The following STIM1 variants were observed in gnomAD, a reference collection of about 807,000 sequenced individuals.
The protein encoded by STIM1 is stromal interaction molecule 1.
A neutral mutation model predicts 74.7 loss-of-function variants in STIM1; 25 were observed. The ratio of observed to expected loss-of-function variants is 0.33; its 90% CI spans 0.24 to 0.47. The LOEUF is 0.47. Ranked by LOEUF, STIM1 falls within the 20% of genes least tolerant of loss-of-function variation. The pLI, the probability that STIM1 is intolerant of heterozygous loss-of-function variation, is 1.00. For synonymous variants in STIM1, 328 were observed against 348.8 expected (o/e 0.94, Z 0.66); for missense variants, 728 against 920.8 (o/e 0.79, Z 2.71).
At chr11:3,931,136 G>A (rs1268291534) in intron 1 of STIM1, among the ~76,000 whole-genome samples, 2 of 152,192 alleles carry the variant, frequency 1.3e-5, no homozygotes, top group African/African-American at 4.8e-5. Context: ...ATATTGTTTA[G>A]GGTGTTAGGA....
chr11:3,895,697 T>C (rs56348484), intron 1 of STIM1, among the ~76,000 whole-genome samples: 492 of 32,120 alleles, frequency 0.015, 30 homozygotes, highest in Admixed American at 0.022. Context: ...TTTCTTTCTT[T>C]CTTTCTTTCT....
intron 1 of STIM1, among the ~76,000 whole-genome samples, chr11:3,867,736 C>T (rs539898029): frequency 2.6e-5 from 4 of 152,192 alleles, no homozygotes; most frequent in African/African-American, 4.8e-5. Flanking sequence ...GCTGTCAGCA[C>T]GGCCCAGTAA....
chr11:3,915,843 G>T (rs1222475431), intron 1 of STIM1, among the ~76,000 whole-genome samples: 1 of 152,102 alleles, frequency 6.6e-6, no homozygotes, highest in East Asian at 1.9e-4. Context: ...ATCACTTCAG[G>T]TCAGGAGTTT....
At chr11:4,050,663 C>A (rs1470951351) in intron 3 of STIM1, among the ~76,000 whole-genome samples, 1 of 152,286 alleles carries the variant, frequency 6.6e-6, no homozygotes, top group African/African-American at 2.4e-5. Context: ...TGAGCCTTAA[C>A]AACACAGGGG....
At chr11:3,869,855 A>G (rs2091013074) in intron 1 of STIM1, among the ~76,000 whole-genome samples, 1 of 152,226 alleles carries the variant, frequency 6.6e-6, no homozygotes, top group South Asian at 2.1e-4. Flanking sequence ...AGAAGACATC[A>G]GGGTCTGCAT....
intron 2 of STIM1, among the ~76,000 whole-genome samples, chr11:4,014,021 T>C (rs888966708): frequency 6.6e-6 from 1 of 152,120 alleles, no homozygotes; most frequent in Non-Finnish European, 1.5e-5. Context: ...CATTGATTTT[T>C]TGAAGGGTTT....
intron 1 of STIM1, among the ~76,000 whole-genome samples, chr11:3,905,409 C>T (rs539160239): frequency 1.3e-5 from 2 of 150,382 alleles, no homozygotes; most frequent in Non-Finnish European, 3.0e-5. Flanking sequence ...GGAGTGGAGA[C>T]CTGAGCTGGT....
chr11:3,936,018 T>C (rs2092927252), intron 1 of STIM1, among the ~76,000 whole-genome samples: 2 of 152,232 alleles, frequency 1.3e-5, no homozygotes, highest in East Asian at 1.9e-4. Flanking sequence ...TATTGAGATA[T>C]AATTTACATA....
chr11:3,938,410 C>T (rs2092962852), intron 1 of STIM1, among the ~76,000 whole-genome samples: 1 of 152,120 alleles, frequency 6.6e-6, no homozygotes, highest in Non-Finnish European at 1.5e-5. Flanking sequence ...CCTGTTGTAT[C>T]CTTTTCCCCA....
chr11:4,082,551 C>A (rs1009002310), intron 8 of STIM1, among the ~76,000 whole-genome samples, 200 bp downstream of exon 8: 1 of 152,126 alleles, frequency 6.6e-6, no homozygotes, highest in Admixed American at 6.6e-5. Context: ...GGTGTAGGGG[C>A]ATTCCTGCCT....
At position 4,092,033 on chromosome 11, in the gene STIM1, T is replaced by C; in HGVS notation, c.*235T>C. ...CCGTCCCAACCATGGGCTGCTGCTG[T>C]CACTCCCTCTCCACTTCAGTGCATG... On this transcript the variant is annotated 3_prime_UTR_variant, in exon 13 of 13. Coordinates refer to ENST00000526596, the MANE Select transcript of STIM1 (RefSeq NM_001382567.1). The C allele has an allele frequency of 1.7e-6, 1 of 598,636 alleles. No individual in the cohort carries two copies. The highest frequency in any genetic ancestry group is 3.0e-6 in the Non-Finnish European group (1 of 336,732). The allele number at this position is 598,636 out of a possible 1,614,324, so 37.1% of individuals were successfully genotyped here.
At chr11:4,073,321 CTT>C (rs1203816044) in intron 6 of STIM1, among the ~76,000 whole-genome samples, 1 of 152,278 alleles carries the variant, frequency 6.6e-6, no homozygotes, top group East Asian at 1.9e-4. Flanking sequence ...AACTCTCAGT[CTT>C]TGTTCTGGGT....
chr11:3,855,052 A>G (rs2090311170), upstream of STIM1: 1 of 152,230 alleles, frequency 6.6e-6, no homozygotes, highest in African/African-American at 2.4e-5. Context: ...TTTTCCCACC[A>G]GGGGCCGCTG....
At chr11:3,903,329 G>A (rs1436190138) in intron 1 of STIM1, 1 of 152,206 alleles carries the variant, frequency 6.6e-6, no homozygotes, top group Non-Finnish European at 1.5e-5. Context: ...GAAGCAACTT[G>A]TTTGTAAGTA....
At chr11:3,984,805 A>G (rs1565136968) in intron 2 of STIM1, among the ~76,000 whole-genome samples, 1 of 152,232 alleles carries the variant, frequency 6.6e-6, no homozygotes, top group Non-Finnish European at 1.5e-5. Flanking sequence ...TGATGACAAT[A>G]AGATACTCTT....
chr11:3,968,291 A>T (rs10742200), intron 2 of STIM1, among the ~76,000 whole-genome samples: 52,203 of 152,058 alleles, frequency 0.34, 9,175 homozygotes, highest in South Asian at 0.48. Context: ...GATCCCAGAG[A>T]ATAAGGTCAT....
chr11:3,886,775 G>A (rs1202693810), intron 1 of STIM1, among the ~76,000 whole-genome samples: 11 of 147,624 alleles, frequency 7.5e-5, no homozygotes, highest in African/African-American at 2.3e-4. Flanking sequence ...AGGCCGAGGC[G>A]GGCGGATTAC....
chr11:3,986,476 A>G (rs1357907177), intron 2 of STIM1, among the ~76,000 whole-genome samples: 1 of 152,184 alleles, frequency 6.6e-6, no homozygotes, highest in East Asian at 1.9e-4. Flanking sequence ...CTGTAGCCAG[A>G]TTTGTGTGCC....
intron 5 of STIM1, among the ~76,000 whole-genome samples, chr11:4,065,287 A>G (rs1004377887): frequency 2.6e-5 from 4 of 152,156 alleles, no homozygotes. Context: ...CCCAGTGAGC[A>G]GGAGTGGTTG....
Sources: allele counts gnomAD v4.1 joint callset (sites outside exome capture counted in the v4.1 genomes callset), GRCh38; gene constraint gnomAD v4.1.1; transcripts MANE v1.5; gene names NCBI Gene and HGNC (gene_info 2026-07-23, HGNC 2026-07-21).